Variants in TNPO3 observed in about 807,000 individuals in gnomAD.
TNPO3 encodes the protein transportin 3.
A neutral mutation model predicts 122.8 loss-of-function variants in TNPO3; 65 were observed. That is an observed-to-expected ratio of 0.53 (90% CI 0.43 to 0.65). TNPO3 has a LOEUF of 0.65. Among genes scored for constraint, TNPO3 ranks in the 30% least tolerant of loss-of-function variants. The pLI, the probability that TNPO3 is intolerant of heterozygous loss-of-function variation, is 0.00. For missense variants in TNPO3, 850 were observed against 1,136.7 expected (o/e 0.75, Z 3.63); for synonymous variants, 372 against 411.2 (o/e 0.90, Z 1.15).
Position 128,972,576 on chromosome 7 carries a change from A to G in TNPO3, c.2280T>C (p.Ile760=), listed in dbSNP as rs142359170. 2,266 of 1,613,146 alleles carry G rather than the reference A, an allele frequency of 1.4e-3. 7 individuals are homozygous for G. The highest frequency in any genetic ancestry group is 1.8e-3 in the Non-Finnish European group (2,125 of 1,179,700). ...DDLFRLATRF[I]QRSPVTLLRS... ...GCAGCAAGGTGACAGGGCTACGCTG[A>G]ATAAACCTGGTGTGGAAAGTGAGAC... is the stretch of plus-strand genomic sequence containing the variant. The change falls in exon 19 of 23, where the codon ATT becomes ATC. Residue 760 remains isoleucine (I), a synonymous_variant. Coordinates refer to ENST00000265388, the MANE Select transcript of TNPO3 (RefSeq NM_012470.4).
chr7:128,978,183 G>T (rs1799265613), intron 16 of TNPO3, among the ~76,000 whole-genome samples: 1 of 152,234 alleles, frequency 6.6e-6, no homozygotes, highest in Admixed American at 6.5e-5. Context: ...AGTGACTTAA[G>T]CATAGGCATC....
intron 13 of TNPO3, among the ~76,000 whole-genome samples, chr7:128,983,682 A>G (rs1342473137): frequency 6.6e-6 from 1 of 152,178 alleles, no homozygotes; most frequent in East Asian, 1.9e-4. Flanking sequence ...CCTTTAACCA[A>G]CTGCAGATTA....
chr7:128,979,368 G>A (rs1403997922), intron 15 of TNPO3, among the ~76,000 whole-genome samples: 1 of 152,166 alleles, frequency 6.6e-6, no homozygotes, highest in Non-Finnish European at 1.5e-5. Flanking sequence ...AAATGACAGA[G>A]ATACACAATT....
chr7:129,000,471 AGTTC>A lies in TNPO3; in HGVS notation c.965_968del (p.Arg322LeufsTer16). ...CTGCACAGATAAGCAGCAGCTCCAG[AGTTC>A]GAAGGTCCCCAAGACCTTGGCCTGG... On this transcript the variant is annotated frameshift_variant, in exon 7 of 23. Transcript: ENST00000265388. LOFTEE classifies it high-confidence loss of function. 1 of 1,614,174 alleles carries A rather than the reference AGTTC, an allele frequency of 6.2e-7. No individual in the cohort carries two copies. Among genetic ancestry groups the A allele is most frequent in the Non-Finnish European group, 8.5e-7 (1 of 1,180,002 alleles).
chr7:129,043,273 C>A lies in TNPO3; in HGVS notation c.120+11378G>T, dbSNP rs78431409. On this transcript the variant is annotated intron_variant, in intron 1 of 22. Coordinates refer to ENST00000265388, the MANE Select transcript of TNPO3 (RefSeq NM_012470.4). The stretch of plus-strand genomic sequence containing the variant: ...AAAAAATTAGCAGGATGTGATGGTG[C>A]GCACCTTTGGTCTCAGCTTCAGGGG... Among the ~76,000 whole-genome samples, 301 of 151,336 alleles carry A rather than the reference C, an allele frequency of 2.0e-3. 3 individuals are homozygous for A. Among genetic ancestry groups the A allele is most frequent in the Non-Finnish European group, 2.0e-3 (137 of 67,854 alleles).
At chr7:129,004,651 T>C (rs1802372820) in intron 5 of TNPO3, among the ~76,000 whole-genome samples, 1 of 152,238 alleles carries the variant, frequency 6.6e-6, no homozygotes. Flanking sequence ...TGTTTTTTCC[T>C]AAACTTGTGA....
intron 1 of TNPO3, among the ~76,000 whole-genome samples, chr7:129,035,859 G>C (rs984421996): frequency 2.0e-5 from 3 of 151,798 alleles, no homozygotes; most frequent in African/African-American, 7.3e-5. Context: ...AAAAGAACCA[G>C]ATAAATCTAA....
intron 4 of TNPO3, among the ~76,000 whole-genome samples, chr7:129,006,805 GT>G (rs1802627764): frequency 6.6e-6 from 1 of 152,178 alleles, no homozygotes; most frequent in Non-Finnish European, 1.5e-5. Flanking sequence ...AGAATGCTAG[GT>G]TGCTAAGATG....
intron 5 of TNPO3, among the ~76,000 whole-genome samples, chr7:129,003,284 T>A (rs754800800): frequency 6.8e-5 from 10 of 148,028 alleles, no homozygotes; most frequent in Non-Finnish European, 1.3e-4. Context: ...TATGAAGTAT[T>A]TTAATTTTTA....
chr7:128,999,660 G>T, intron 7 of TNPO3, among the ~76,000 whole-genome samples: 1 of 147,192 alleles, frequency 6.8e-6, no homozygotes, highest in Non-Finnish European at 1.5e-5. Flanking sequence ...TCCCAGGCTG[G>T]AGTGCAGTGG....
At chr7:128,960,537 T>A (rs921030203) in intron 21 of TNPO3, among the ~76,000 whole-genome samples, 4 of 151,012 alleles carry the variant, frequency 2.6e-5, no homozygotes, top group African/African-American at 9.7e-5. Flanking sequence ...TAATATGTGT[T>A]TGTGTCTTAG....
intron 13 of TNPO3, among the ~76,000 whole-genome samples, chr7:128,983,430 C>T (rs746455612): frequency 2.6e-5 from 4 of 152,012 alleles, no homozygotes; most frequent in Admixed American, 6.6e-5. Context: ...ACTCTAACTC[C>T]GGACCTCAAA....
In TNPO3 at chr7:128,967,945, G is replaced by T. The variant is rs550757916; in HGVS notation, c.2599-553C>A. ...AAAACAATTTTTTTTTTTAAGAGAT[G>T]AGGAGTCTTTCTATGTTGCCCAGAC... On this transcript the variant is annotated intron_variant, in intron 20 of 22. Coordinates refer to ENST00000265388, the MANE Select transcript of TNPO3 (RefSeq NM_012470.4). Among the ~76,000 whole-genome samples, 3 of 152,050 alleles carry T rather than the reference G, an allele frequency of 2.0e-5. No individual in the cohort carries two copies. The South Asian group carries it at 6.2e-4, about 32-fold the overall frequency.
At chr7:128,963,339 C>T (rs977154305) in intron 21 of TNPO3, among the ~76,000 whole-genome samples, 4 of 152,184 alleles carry the variant, frequency 2.6e-5, no homozygotes, top group African/African-American at 7.2e-5. Flanking sequence ...AGAGCCAATA[C>T]GATCCTGCCC....
At chr7:128,985,255 GC>G (rs1800024225) in intron 12 of TNPO3, among the ~76,000 whole-genome samples, 1 of 152,146 alleles carries the variant, frequency 6.6e-6, no homozygotes, top group African/African-American at 2.4e-5. Flanking sequence ...CCTAATTTCA[GC>G]ATGATTTTCC....
At chr7:129,012,983 G>C (rs1190884830) in intron 4 of TNPO3, among the ~76,000 whole-genome samples, 1 of 152,128 alleles carries the variant, frequency 6.6e-6, no homozygotes, top group Non-Finnish European at 1.5e-5. Flanking sequence ...TCAACTAACT[G>C]AAAGGAGCTT....
chr7:129,018,314 T>C (rs1046215154), intron 1 of TNPO3, among the ~76,000 whole-genome samples, 157 bp from the exon 2 acceptor site: 1 of 152,226 alleles, frequency 6.6e-6, no homozygotes, highest in Non-Finnish European at 1.5e-5. Context: ...CAGTTCAATA[T>C]ACATTGTTAT....
chr7:129,000,421 A>T lies in TNPO3; in HGVS notation c.1011+8T>A. 6.2e-7 allele frequency: 1 copy of T among 1,609,678 alleles called. No homozygotes were observed. The highest frequency in any genetic ancestry group is 8.5e-7 in the Non-Finnish European group (1 of 1,177,414). The stretch of plus-strand genomic sequence containing the variant: ...AGAATAATGGCCTTTGAATAGCATA[A>T]ACACTACCTCATATTGAGGATGGCC... On this transcript the variant is annotated splice_region_variant and intron_variant, in intron 7 of 22. Transcript: ENST00000265388.
intron 1 of TNPO3, among the ~76,000 whole-genome samples, chr7:129,046,915 C>T (rs1808123402): frequency 6.6e-6 from 1 of 152,166 alleles, no homozygotes; most frequent in Non-Finnish European, 1.5e-5. Flanking sequence ...TCAATTACCT[C>T]TACCTGGCCC....
Sources: gnomAD v4.1 joint callset for allele counts (sites outside exome capture counted in the v4.1 genomes callset) on GRCh38, gnomAD v4.1.1 for gene constraint, MANE v1.5 for transcripts, NCBI Gene and HGNC (gene_info 2026-07-23, HGNC 2026-07-21) for gene names.